Variants in NOX4 observed in about 807,000 individuals in gnomAD.
NOX4 encodes NADPH oxidase 4, also known as kidney oxidase-1.
Under a neutral mutation model 87.6 loss-of-function variants are expected in NOX4, and 69 were observed. That is an observed-to-expected ratio of 0.79 (90% CI 0.65 to 0.96). NOX4 has a LOEUF of 0.96. Ranked by LOEUF, NOX4 falls within the 40% of genes least tolerant of loss-of-function variation. The probability of loss-of-function intolerance (pLI) is 0.00; values close to 1 mark genes in which losing one functional copy is unlikely to be tolerated. For synonymous variants in NOX4, 275 were observed against 238.2 expected (o/e 1.15, Z -1.42); for missense variants, 680 against 681.5 (o/e 1.00, Z 0.02).
intron 13 of NOX4, among the ~76,000 whole-genome samples, chr11:89,345,281 G>A (rs1376093704): frequency 2.0e-4 from 30 of 152,190 alleles, no homozygotes; most frequent in Non-Finnish European, 2.6e-4. Flanking sequence ...GGAGGATCAG[G>A]AGTGAGCTGG....
At chr11:89,522,900 C>T in the NOX4 span, among the ~76,000 whole-genome samples, 6 of 152,234 alleles carry the variant, frequency 3.9e-5, no homozygotes, top group East Asian at 9.7e-4. Context: ...CTAGGACTCA[C>T]GGTAGAGAGG....
intron 12 of NOX4, among the ~76,000 whole-genome samples, chr11:89,361,130 T>C (rs1332737042): frequency 6.6e-6 from 1 of 151,896 alleles, no homozygotes; most frequent in African/African-American, 2.4e-5. Flanking sequence ...AGTCATTACA[T>C]GAAAAAGACA....
the NOX4 span, among the ~76,000 whole-genome samples, chr11:89,553,240 G>A: frequency 6.6e-6 from 1 of 152,258 alleles, no homozygotes; most frequent in South Asian, 2.1e-4. Context: ...GCAGGGTAGG[G>A]GTTGTCCTGG....
At chr11:89,480,761 G>A (rs2135469775) in intron 2 of NOX4, among the ~76,000 whole-genome samples, 1 of 152,156 alleles carries the variant, frequency 6.6e-6, no homozygotes, top group Non-Finnish European at 1.5e-5. Context: ...AGATTGCAAT[G>A]AAAGCTAGCT....
intron 2 of NOX4, among the ~76,000 whole-genome samples, chr11:89,469,460 C>T (rs1374026410): frequency 2.0e-5 from 3 of 152,054 alleles, no homozygotes; most frequent in Admixed American, 1.3e-4. Context: ...ATTTTATTGA[C>T]TCTTCTATCC....
At chr11:89,520,027 T>C in the NOX4 span, among the ~76,000 whole-genome samples, 1,186 of 152,116 alleles carry the variant, frequency 7.8e-3, 17 homozygotes, top group African/African-American at 0.026. Flanking sequence ...TACTATGAAG[T>C]GTAAAATGAG....
chr11:89,586,333 G>A, the NOX4 span, among the ~76,000 whole-genome samples: 2 of 152,110 alleles, frequency 1.3e-5, no homozygotes, highest in Non-Finnish European at 1.5e-5. Context: ...ACTATGCTAA[G>A]TATTTCACAT....
intron 6 of NOX4, among the ~76,000 whole-genome samples, chr11:89,440,430 C>T (rs958153865): frequency 6.6e-6 from 1 of 152,090 alleles, no homozygotes; most frequent in Non-Finnish European, 1.5e-5. Flanking sequence ...AGTGATTCTC[C>T]TGCCTCAGCC....
At chr11:89,451,361 G>A (rs1336858897) in intron 3 of NOX4, among the ~76,000 whole-genome samples, 1 of 152,100 alleles carries the variant, frequency 6.6e-6, no homozygotes, top group Non-Finnish European at 1.5e-5. Context: ...ATTTAGCTAA[G>A]TGAAAATACA....
rs1430082800 is a variant in NOX4, at chr11:89,443,991, A to G, written c.447+144T>C. The G allele has an allele frequency of 7.7e-6, 5 of 647,320 alleles. No homozygotes were observed. In the South Asian group the frequency reaches 7.9e-5, roughly 10 times the overall value. 40.1% of individuals were successfully genotyped at this position (647,320 alleles called of 1,614,324 possible). On this transcript the variant is annotated intron_variant, in intron 5 of 17. Transcript: ENST00000263317. Reference sequence around the variant, plus strand: ...GTAATTACTTATATTTTCTACTGAAAAGGAATAAAGCTCAACTTGACAACT... The same window carrying G: ...GTAATTACTTATATTTTCTACTGAAGAGGAATAAAGCTCAACTTGACAACT...
At chr11:89,535,497 C>T in the NOX4 span, among the ~76,000 whole-genome samples, 1 of 152,152 alleles carries the variant, frequency 6.6e-6, no homozygotes, top group Non-Finnish European at 1.5e-5. Flanking sequence ...AAAAATAATC[C>T]AAAGAACGCC....
At chr11:89,442,849 CAT>C (rs1437263875) in intron 5 of NOX4, among the ~76,000 whole-genome samples, 1 of 151,712 alleles carries the variant, frequency 6.6e-6, no homozygotes, top group Non-Finnish European at 1.5e-5. Flanking sequence ...TTATTAAAGA[CAT>C]GAATTCTGAA....
At chr11:89,551,347 T>C in the NOX4 span, among the ~76,000 whole-genome samples, 5 of 152,304 alleles carry the variant, frequency 3.3e-5, no homozygotes, top group African/African-American at 1.2e-4. Flanking sequence ...AGAAAGTCAA[T>C]GGTAGCTTGA....
At chr11:89,424,568 T>A (rs1373543719) in intron 7 of NOX4, among the ~76,000 whole-genome samples, 7 of 151,926 alleles carry the variant, frequency 4.6e-5, no homozygotes, top group African/African-American at 9.7e-5. Flanking sequence ...ATAACCCCAA[T>A]ACTGGCTTTT....
chr11:89,560,130 C>T, the NOX4 span, among the ~76,000 whole-genome samples: 1 of 152,116 alleles, frequency 6.6e-6, no homozygotes, highest in East Asian at 1.9e-4. Context: ...GACACACACA[C>T]ACACGTACAT....
Position 89,335,834 on chromosome 11 carries a change from A to G in NOX4, c.1616+11T>C. 2.1e-6 allele frequency: 3 copies of G among 1,405,614 alleles called. No individual in the cohort carries two copies. The highest frequency in any genetic ancestry group is 3.0e-6 in the Non-Finnish European group (3 of 1,014,914). The allele number at this position is 1,405,614 out of a possible 1,614,324, so 87.1% of individuals were successfully genotyped here. On this transcript the variant is annotated intron_variant, in intron 17 of 17. Coordinates refer to ENST00000263317, the MANE Select transcript of NOX4 (RefSeq NM_016931.5). ...TAGCCACATATCAAATTTTTGAGGT[A>G]TAGTACTTACCCTCTGTTATATTTT...
chr11:89,452,069 C>T (rs1372773636), intron 2 of NOX4, among the ~76,000 whole-genome samples, 174 bp from the exon 3 acceptor site: 4 of 152,164 alleles, frequency 2.6e-5, no homozygotes, highest in Admixed American at 6.6e-5. Context: ...CCCCTTTGAA[C>T]GACTTCTTTC....
chr11:89,561,029 C>T, the NOX4 span, among the ~76,000 whole-genome samples: 38 of 78,494 alleles, frequency 4.8e-4, no homozygotes, highest in South Asian at 8.2e-4. Flanking sequence ...TACATACACA[C>T]ACACATACAC....
intron 11 of NOX4, among the ~76,000 whole-genome samples, chr11:89,379,774 C>A (rs1168251409): frequency 6.6e-6 from 1 of 152,114 alleles, no homozygotes. Flanking sequence ...TTTGTTAACT[C>A]TAACTTTAAA....
Sources: gnomAD v4.1 joint callset for allele counts (sites outside exome capture counted in the v4.1 genomes callset) on GRCh38, gnomAD v4.1.1 for gene constraint, MANE v1.5 for transcripts, NCBI Gene and HGNC (gene_info 2026-07-23, HGNC 2026-07-21) for gene names.